UBR1: variants seen among roughly 807,000 people sequenced by gnomAD.
UBR1 encodes the protein ubiquitin protein ligase E3 component n-recognin 1.
In UBR1, 102 loss-of-function variants were observed where a neutral mutation model predicts 242.1. That is an observed-to-expected ratio of 0.42 (90% confidence interval 0.36 to 0.50). The LOEUF is 0.50. Ranked by LOEUF, UBR1 falls within the 20% of genes least tolerant of loss-of-function variation. The probability of loss-of-function intolerance (pLI) is 0.01; values close to 1 mark genes in which losing one functional copy is unlikely to be tolerated. For missense variants in UBR1, 1,772 were observed against 2,101.8 expected (o/e 0.84, Z 3.07); for synonymous variants, 675 against 684.8 (o/e 0.99, Z 0.22).
intron 37 of UBR1, among the ~76,000 whole-genome samples, chr15:42,982,941 T>C (rs975208928): frequency 4.6e-5 from 7 of 152,196 alleles, no homozygotes; most frequent in Admixed American, 3.9e-4. Context: ...GAGGAGCTTA[T>C]AGTAGACTTC....
In UBR1 at chr15:43,027,834, G is replaced by A. The variant is rs375263660; in HGVS notation, c.2380-6C>T. Reference sequence around the variant, plus strand: ...AAGCCAGTTTCATTATTTTCCTGTTGAAACAATATTTTTGTCATTTTTACC... The same window carrying A: ...AAGCCAGTTTCATTATTTTCCTGTTAAAACAATATTTTTGTCATTTTTACC... On this transcript the variant is annotated splice_region_variant and splice_polypyrimidine_tract_variant and intron_variant, in intron 21 of 46. Transcript: ENST00000290650. 7.3e-5 allele frequency: 118 copies of A among 1,611,502 alleles called. No homozygotes were observed. The highest frequency in any genetic ancestry group is 9.2e-5 in the Non-Finnish European group (109 of 1,179,034).
chr15:42,988,077 C>CTTTA (rs1030356579), intron 35 of UBR1, among the ~76,000 whole-genome samples: 13 of 152,158 alleles, frequency 8.5e-5, no homozygotes, highest in African/African-American at 3.1e-4. Flanking sequence ...GCTAATCTCT[C>CTTTA]TTAAACTGCC....
chr15:43,038,024 A>C, intron 16 of UBR1, 141 bp from the exon 17 acceptor site: 3 of 1,204,088 alleles, frequency 2.5e-6, no homozygotes, highest in Non-Finnish European at 3.6e-6. Context: ...CCTGTGACTC[A>C]GATTACAATG....
In UBR1 at chr15:43,017,076, T is replaced by A. The variant is rs1425891547; in HGVS notation, c.3027+19A>T. On this transcript the variant is annotated intron_variant, in intron 28 of 46. Transcript: ENST00000290650. ...GAGATGAATGTCACCATTACTACAG[T>A]GTTATTACAGTGTCATACCTCATCA... 1 of 1,582,090 alleles carries A rather than the reference T, an allele frequency of 6.3e-7. No individual in the cohort carries two copies. The highest frequency in any genetic ancestry group is 1.7e-5 in the Admixed American group (1 of 59,952).
Position 42,976,700 on chromosome 15 carries a change from C to T in UBR1, c.4369+17G>A, listed in dbSNP as rs201914939. ...GCAAAATGTTATTCACAGTCAACAC[C>T]CAGATGAAAACCTTACCTGTGTCTA... On this transcript the variant is annotated intron_variant, in intron 39 of 46. Transcript: ENST00000290650. 2.5e-6 allele frequency: 4 copies of T among 1,613,738 alleles called. No homozygotes were observed. The African/African-American group carries it at 4.0e-5, about 16-fold the overall frequency.
chr15:42,980,799 A>G (rs1324827429), intron 37 of UBR1, among the ~76,000 whole-genome samples: 1 of 151,880 alleles, frequency 6.6e-6, no homozygotes, highest in Non-Finnish European at 1.5e-5. Flanking sequence ...ACGGGGTTTC[A>G]CCATGTTGCC....
intron 21 of UBR1, among the ~76,000 whole-genome samples, chr15:43,028,850 A>G (rs933191787): frequency 9.9e-5 from 15 of 151,818 alleles, no homozygotes; most frequent in African/African-American, 2.9e-4. Context: ...TTGGGAGGCC[A>G]AGATGGGTGG....
chr15:43,058,633 C>A (rs1291410186), intron 9 of UBR1, among the ~76,000 whole-genome samples: 1 of 152,112 alleles, frequency 6.6e-6, no homozygotes, highest in African/African-American at 2.4e-5. Context: ...TTCTGCACCC[C>A]TCCCACCACT....
In UBR1 at chr15:43,059,066, T is replaced by G; in HGVS notation, c.1093+19A>C. On this transcript the variant is annotated intron_variant, in intron 9 of 46. Transcript: ENST00000290650. ...TTCCTTTGCTTCCTGACAAACAGCA[T>G]AAGCAAATGTCTACTTACCTTTATA... 6.3e-7 allele frequency: 1 copy of G among 1,591,272 alleles called. No individual in the cohort carries two copies. Among genetic ancestry groups the G allele is most frequent in the South Asian group, 1.1e-5 (1 of 90,592 alleles).
At chr15:43,032,512 G>T in intron 20 of UBR1, 56 bp downstream of exon 20, 1 of 1,179,092 alleles carries the variant, frequency 8.5e-7, no homozygotes, top group Non-Finnish European at 1.2e-6. Context: ...TCATATAAAT[G>T]GTCTCTCTAA....
chr15:42,946,301 T>C (rs895640674), intron 46 of UBR1, among the ~76,000 whole-genome samples: 18 of 152,174 alleles, frequency 1.2e-4, no homozygotes, highest in Non-Finnish European at 2.2e-4. Flanking sequence ...ATTGTTTTTG[T>C]ATTTTTAGTA....
chr15:43,010,381 T>A (rs1419098808), intron 29 of UBR1, among the ~76,000 whole-genome samples: 4 of 151,214 alleles, frequency 2.6e-5, no homozygotes, highest in Non-Finnish European at 4.4e-5. Flanking sequence ...GCTTGTTTTG[T>A]ATATAAGAAC....
intron 10 of UBR1, 129 bp downstream of exon 10, chr15:43,058,212 G>C: frequency 1.3e-6 from 1 of 764,804 alleles, no homozygotes; most frequent in East Asian, 2.9e-5. Flanking sequence ...GCAGGGCCAA[G>C]AACAAACTTT....
intron 42 of UBR1, among the ~76,000 whole-genome samples, chr15:42,961,580 G>A (rs2032020878): frequency 6.6e-6 from 1 of 151,530 alleles, no homozygotes; most frequent in African/African-American, 2.4e-5. Flanking sequence ...GCGCCACCAC[G>A]CCTGGCTAAT....
chr15:43,034,136 G>C (rs554301546), intron 19 of UBR1, among the ~76,000 whole-genome samples: 9 of 152,106 alleles, frequency 5.9e-5, no homozygotes, highest in Admixed American at 5.9e-4. Context: ...ACTTGGGGAG[G>C]CTGAGGCAGG....
At chr15:42,970,641 T>C in intron 39 of UBR1, 34 bp from the exon 40 acceptor site, 2 of 1,571,222 alleles carry the variant, frequency 1.3e-6, no homozygotes, top group Non-Finnish European at 1.8e-6. Context: ...GAATTATGTA[T>C]TTGCTATTCA....
intron 27 of UBR1, among the ~76,000 whole-genome samples, chr15:43,017,797 G>T (rs1156484911): frequency 6.7e-6 from 1 of 148,600 alleles, no homozygotes; most frequent in Non-Finnish European, 1.5e-5. Flanking sequence ...GTGACAGAGC[G>T]AGACCCTGTC....
At chr15:43,094,394 A>G (rs1596142045) in intron 1 of UBR1, among the ~76,000 whole-genome samples, 1 of 151,858 alleles carries the variant, frequency 6.6e-6, no homozygotes, top group South Asian at 2.1e-4. Flanking sequence ...GTGCCACCAC[A>G]CTCCAGCCTG....
At chr15:43,030,924 A>G (rs920178754) in intron 20 of UBR1, among the ~76,000 whole-genome samples, 21 of 152,234 alleles carry the variant, frequency 1.4e-4, no homozygotes, top group African/African-American at 4.8e-4. Context: ...TCCTCTTTAC[A>G]TTTGTAAAGC....
Sources: allele counts gnomAD v4.1 joint callset (sites outside exome capture counted in the v4.1 genomes callset), GRCh38; gene constraint gnomAD v4.1.1; transcripts MANE v1.5; gene names NCBI Gene and HGNC (gene_info 2026-07-23, HGNC 2026-07-21).